The following STX6 variants were observed in gnomAD, a reference collection of about 807,000 sequenced individuals.
STX6 encodes syntaxin-6.
Under a neutral mutation model 38.0 loss-of-function variants are expected in STX6, and 23 were observed. The observed-to-expected ratio is 0.60, with a 90% confidence interval of 0.43 to 0.86. The LOEUF (loss-of-function observed/expected upper bound fraction) is 0.86. Ranked by LOEUF, STX6 falls within the 40% of genes least tolerant of loss-of-function variation. The pLI is 0.00. For synonymous variants in STX6, 123 were observed against 107.5 expected (o/e 1.14, Z -0.89); for missense variants, 274 against 312.9 (o/e 0.88, Z 0.94).
intron 4 of STX6, among the ~76,000 whole-genome samples, 189 bp from the exon 5 acceptor site, chr1:180,990,298 C>A (rs1381371762): frequency 6.6e-6 from 1 of 152,166 alleles, no homozygotes; most frequent in Admixed American, 6.5e-5. Context: ...GAAGGGCCCT[C>A]TATGTCTTTA....
chr1:180,996,567 G>A (rs1655920229), intron 3 of STX6, among the ~76,000 whole-genome samples: 1 of 151,810 alleles, frequency 6.6e-6, no homozygotes, highest in South Asian at 2.1e-4. Flanking sequence ...AGGATACTTT[G>A]AAAACAATTT....
At chr1:181,021,399 A>AG (rs1313505352) in intron 1 of STX6, among the ~76,000 whole-genome samples, 1 of 152,206 alleles carries the variant, frequency 6.6e-6, no homozygotes, top group Non-Finnish European at 1.5e-5. Context: ...AAGAAAAAAA[A>AG]CTTTCCAGGG....
In STX6 at chr1:180,973,753, C is replaced by T. The variant is rs1655180679; in HGVS notation, c.*2817G>A. On this transcript the variant is annotated 3_prime_UTR_variant, in exon 8 of 8. Transcript: ENST00000258301. Reference sequence around the variant, plus strand: ...CAAGACCAAAAATGAGGACTAAAAACTAAAGGTAGCTGAGTTTTTCAGATG... The same window carrying T: ...CAAGACCAAAAATGAGGACTAAAAATTAAAGGTAGCTGAGTTTTTCAGATG... 1 of 152,488 alleles carries T rather than the reference C, an allele frequency of 6.6e-6. No individual in the cohort carries two copies. Among genetic ancestry groups the T allele is most frequent in the South Asian group, 2.1e-4 (1 of 4,830 alleles). 9.4% of individuals were successfully genotyped at this position (152,488 alleles called of 1,614,324 possible). A position where few individuals can be genotyped will look rare whatever the true frequency, so the allele number is the denominator to read the frequency against.
chr1:181,009,033 T>C (rs1385463231), intron 1 of STX6, among the ~76,000 whole-genome samples: 1 of 152,134 alleles, frequency 6.6e-6, no homozygotes, highest in Non-Finnish European at 1.5e-5. Flanking sequence ...ATCACAAAAA[T>C]GCTTCACGCA....
intron 1 of STX6, among the ~76,000 whole-genome samples, chr1:181,020,905 T>A (rs1193136567): frequency 1.3e-5 from 2 of 152,238 alleles, no homozygotes; most frequent in African/African-American, 4.8e-5. Flanking sequence ...CACAGGTACA[T>A]GACTCCCCAA....
At chr1:181,003,283 T>C (rs1380719418) in intron 2 of STX6, among the ~76,000 whole-genome samples, 1 of 152,148 alleles carries the variant, frequency 6.6e-6, no homozygotes, top group East Asian at 1.9e-4. Flanking sequence ...CTGTCCCCCA[T>C]CCCTATCCAC....
At chr1:180,980,224 C>CAA (rs1558086121) in intron 7 of STX6, among the ~76,000 whole-genome samples, 2 of 134,374 alleles carry the variant, frequency 1.5e-5, no homozygotes, top group East Asian at 4.4e-4. Flanking sequence ...AAAAAAAAAA[C>CAA]ACCATGAAAG....
chr1:181,001,280 C>G (rs1656072330), intron 3 of STX6, among the ~76,000 whole-genome samples: 1 of 152,118 alleles, frequency 6.6e-6, no homozygotes, highest in Admixed American at 6.5e-5. Flanking sequence ...TGGTATGATC[C>G]CAAGTCTTTT....
chr1:180,982,687 T>C (rs553599598), intron 7 of STX6, among the ~76,000 whole-genome samples: 1 of 152,368 alleles, frequency 6.6e-6, no homozygotes, highest in South Asian at 2.1e-4. Context: ...AACTACTACA[T>C]ACATGAGTGA....
At chr1:181,021,588 T>TG (rs1266424283) in intron 1 of STX6, among the ~76,000 whole-genome samples, 1 of 152,234 alleles carries the variant, frequency 6.6e-6, no homozygotes, top group Non-Finnish European at 1.5e-5. Flanking sequence ...TGATCAGTAC[T>TG]GACCTGGGAA....
At chr1:181,019,037 A>G (rs1656650418) in intron 1 of STX6, among the ~76,000 whole-genome samples, 1 of 152,218 alleles carries the variant, frequency 6.6e-6, no homozygotes, top group Admixed American at 6.5e-5. Context: ...CTCATCTCTA[A>G]AATGTGGCTA....
chr1:181,022,782 T>G lies in STX6; in HGVS notation c.-109A>C. On this transcript the variant is annotated 5_prime_UTR_variant, in exon 1 of 8. Coordinates refer to ENST00000258301, the MANE Select transcript of STX6 (RefSeq NM_005819.6). The stretch of plus-strand genomic sequence containing the variant: ...TCCCGCAGCTGCCCGCGCCTTAGTC[T>G]GGGTGAAGCCGAGCAGCGGGCACGC... The G allele has an allele frequency of 8.6e-7, 1 of 1,168,298 alleles. No homozygotes were observed. Among genetic ancestry groups the G allele is most frequent in the Non-Finnish European group, 1.2e-6 (1 of 814,848 alleles). The allele number at this position is 1,168,298 out of a possible 1,614,324, so 72.4% of individuals were successfully genotyped here. A position where few individuals can be genotyped will look rare whatever the true frequency, so the allele number is the denominator to read the frequency against.
chr1:180,988,961 A>G (rs1044453718), intron 5 of STX6: 3 of 152,432 alleles, frequency 2.0e-5, no homozygotes. Context: ...ACAACTGGTT[A>G]AGCAGACATA....
intron 3 of STX6, among the ~76,000 whole-genome samples, chr1:181,000,563 A>G (rs895205174): frequency 6.6e-6 from 1 of 152,134 alleles, no homozygotes; most frequent in Non-Finnish European, 1.5e-5. Flanking sequence ...CCTTTGACAC[A>G]TGGGGATTAT....
intron 1 of STX6, among the ~76,000 whole-genome samples, chr1:181,022,235 G>A (rs1157594086): frequency 1.3e-5 from 2 of 152,084 alleles, no homozygotes; most frequent in African/African-American, 4.8e-5. Flanking sequence ...AAGCTCAGGA[G>A]GGCCATTTCC....
intron 5 of STX6, 40 bp from the exon 6 acceptor site, chr1:180,988,385 T>C: frequency 6.6e-7 from 1 of 1,522,846 alleles, no homozygotes; most frequent in Non-Finnish European, 9.1e-7. Flanking sequence ...TTAAAATCCA[T>C]CTTACCTGGT....
At chr1:180,990,241 T>A in intron 4 of STX6, 132 bp from the exon 5 acceptor site, 1 of 1,170,430 alleles carries the variant, frequency 8.5e-7, no homozygotes, top group Non-Finnish European at 1.2e-6. Context: ...GGCTTTTATG[T>A]AGTGGTGTAG....
intron 1 of STX6, among the ~76,000 whole-genome samples, chr1:181,017,295 A>T (rs1656589308): frequency 6.7e-6 from 1 of 149,974 alleles, no homozygotes; most frequent in Non-Finnish European, 1.5e-5. Context: ...CAGGAGGCTG[A>T]GGCAGGAGAA....
rs57204299 is a variant in STX6, at chr1:180,984,088, A to AAAAAAAAC, written c.691+588_691+589insGTTTTTTT. Among the ~76,000 whole-genome samples the AAAAAAAAC allele has an allele frequency of 5.5e-4, 56 of 101,462 alleles. 11 individuals carry two copies. Among genetic ancestry groups the AAAAAAAAC allele is most frequent in the Non-Finnish European group, 1.0e-3 (43 of 41,128 alleles). The allele number at this position is 101,462 out of a possible 152,430, so 66.6% of individuals were successfully genotyped here. On this transcript the variant is annotated intron_variant, in intron 7 of 7. Coordinates refer to ENST00000258301, the MANE Select transcript of STX6 (RefSeq NM_005819.6). ...CAAAAAAAAAAAAAAAAAAAAAAAAAAACACAACGAAAGTGACTCTACTGG... is the reference window on the plus strand; with the variant it reads ...CAAAAAAAAAAAAAAAAAAAAAAAAAAAAAAAACAACACAACGAAAGTGACTCTACTGG...
Sources: gnomAD v4.1 joint callset for allele counts (sites outside exome capture counted in the v4.1 genomes callset) on GRCh38, gnomAD v4.1.1 for gene constraint, MANE v1.5 for transcripts, NCBI Gene and HGNC (gene_info 2026-07-23, HGNC 2026-07-21) for gene names.